The following KIF11 variants were observed in gnomAD, a reference collection of about 807,000 sequenced individuals.
The protein encoded by KIF11 is kinesin-like protein KIF11.
In KIF11, 9 loss-of-function variants were observed where a neutral mutation model predicts 121.0. That is an observed-to-expected ratio of 0.07 (90% CI 0.04 to 0.13). The LOEUF (loss-of-function observed/expected upper bound fraction) is 0.13. Among genes scored for constraint, KIF11 ranks in the 10% least tolerant of loss-of-function variants. The pLI is 1.00. For synonymous variants in KIF11, 408 were observed against 421.0 expected (o/e 0.97, Z 0.38); for missense variants, 846 against 1,217.5 (o/e 0.69, Z 4.54).
intron 21 of KIF11, among the ~76,000 whole-genome samples, chr10:92,652,669 A>C (rs1158992952): frequency 6.6e-6 from 1 of 152,200 alleles, no homozygotes; most frequent in African/African-American, 2.4e-5. Flanking sequence ...TATCTTATAA[A>C]GTTAGGAAAG....
At chr10:92,634,947 C>T (rs1358943594) in intron 14 of KIF11, among the ~76,000 whole-genome samples, 3 of 152,096 alleles carry the variant, frequency 2.0e-5, no homozygotes, top group African/African-American at 7.2e-5. Context: ...TCTGTGTGGC[C>T]CCTTCTGGGC....
chr10:92,608,911 C>A, intron 4 of KIF11, 109 bp from the exon 5 acceptor site: 1 of 590,318 alleles, frequency 1.7e-6, no homozygotes, highest in African/African-American at 1.9e-5. Flanking sequence ...TTTGTTTTAA[C>A]TTGCTTTGCC....
At chr10:92,639,519 G>A (rs541383388) in intron 16 of KIF11, among the ~76,000 whole-genome samples, 126 of 152,186 alleles carry the variant, frequency 8.3e-4, no homozygotes, top group Admixed American at 3.9e-3. Context: ...CTTGAGCCCA[G>A]GAGGTTGAAG....
In KIF11 at chr10:92,621,352, T is replaced by C. The variant is rs1844615165; in HGVS notation, c.1129-33T>C. 2.2e-6 allele frequency: 3 copies of C among 1,347,670 alleles called. No individual in the cohort carries two copies. In the East Asian group the frequency reaches 7.0e-5, roughly 31 times the overall value. 83.5% of individuals were successfully genotyped at this position (1,347,670 alleles called of 1,614,324 possible). A position where few individuals can be genotyped will look rare whatever the true frequency, so the allele number is the denominator to read the frequency against. On this transcript the variant is annotated intron_variant, in intron 9 of 21. Coordinates refer to ENST00000260731, the MANE Select transcript of KIF11 (RefSeq NM_004523.4). ...TTCCCAAACTGAATGAAAAAAGTAC[T>C]AAACTGACACCTACAACATTCCTCT... is the stretch of plus-strand genomic sequence containing the variant.
rs66987236 is a variant in KIF11 at position 92,637,032 on chromosome 10, C to CA, written c.1876-131dup. On this transcript the variant is annotated intron_variant, in intron 14 of 21. Transcript: ENST00000260731. ...TGGGTGACAGAATGAGACTCCGTCT[C>CA]AAAAAAAAAAAAAAAAAAAAAGAAT... 0.075 allele frequency: 27,937 copies of CA among 372,264 alleles called. 2,118 individuals carry two copies. The highest frequency in any genetic ancestry group is 0.35 in the African/African-American group (10,689 of 30,810). The allele number at this position is 372,264 out of a possible 1,614,324, so 23.1% of individuals were successfully genotyped here. A position where few individuals can be genotyped will look rare whatever the true frequency, so the allele number is the denominator to read the frequency against.
chr10:92,627,069 A>G (rs1390806256), intron 10 of KIF11, among the ~76,000 whole-genome samples: 3 of 152,188 alleles, frequency 2.0e-5, no homozygotes, highest in African/African-American at 7.2e-5. Flanking sequence ...GCTGTAGAAG[A>G]TCCATTTTTA....
chr10:92,651,852 T>C (rs1844989601), intron 21 of KIF11, among the ~76,000 whole-genome samples: 1 of 151,982 alleles, frequency 6.6e-6, no homozygotes, highest in South Asian at 2.1e-4. Flanking sequence ...TCCTCTAATT[T>C]GAGGGTACAA....
intron 12 of KIF11, 47 bp from the exon 13 acceptor site, chr10:92,632,439 C>T (rs1382635962): frequency 1.7e-6 from 2 of 1,192,938 alleles, no homozygotes; most frequent in Non-Finnish European, 2.5e-6. Flanking sequence ...TCATCAGATT[C>T]CTTTCACCGT....
chr10:92,594,356 G>A (rs1419584539), intron 1 of KIF11, among the ~76,000 whole-genome samples: 3 of 152,326 alleles, frequency 2.0e-5, no homozygotes, highest in Admixed American at 6.5e-5. Flanking sequence ...CGAAGGTGAT[G>A]ACTAGGTTTC....
chr10:92,604,383 T>G (rs1223118259), intron 1 of KIF11, among the ~76,000 whole-genome samples: 1 of 152,202 alleles, frequency 6.6e-6, no homozygotes, highest in Non-Finnish European at 1.5e-5. Context: ...AATAATAGAC[T>G]AATTGGAAAA....
At chr10:92,650,341 T>TA (rs1185249669) in intron 20 of KIF11, 60 bp from the exon 21 acceptor site, 11 of 926,334 alleles carry the variant, frequency 1.2e-5, no homozygotes, top group Non-Finnish European at 1.8e-5. Flanking sequence ...AAGCTGCTGT[T>TA]ACTCTTGTGA....
At chr10:92,647,944 T>C (rs1844937579) in intron 18 of KIF11, among the ~76,000 whole-genome samples, 1 of 151,706 alleles carries the variant, frequency 6.6e-6, no homozygotes. Context: ...TGCCATCTCT[T>C]CAAAAAATAC....
chr10:92,654,810 A>T lies in KIF11; in HGVS notation c.*1014A>T, dbSNP rs4933734. On this transcript the variant is annotated 3_prime_UTR_variant, in exon 22 of 22. Transcript: ENST00000260731. ...GACAGAGTTCACAAAAAGCCCACTT[A>T]AGAGTATACATTGCTATTATGGGAG... The T allele has an allele frequency of 0.7, 106,731 of 152,496 alleles. 38,731 individuals carry two copies. The highest frequency in any genetic ancestry group is 0.93 in the East Asian group (4,804 of 5,188). The allele number at this position is 152,496 out of a possible 1,614,324, so 9.4% of individuals were successfully genotyped here.
At chr10:92,627,647 G>T (rs1437926141) in intron 10 of KIF11, among the ~76,000 whole-genome samples, 3 of 151,642 alleles carry the variant, frequency 2.0e-5, no homozygotes, top group South Asian at 4.2e-4. Flanking sequence ...TTCTTCAAAT[G>T]TCTAGTGATT....
At chr10:92,600,895 C>CTG in intron 1 of KIF11, among the ~76,000 whole-genome samples, 1 of 152,142 alleles carries the variant, frequency 6.6e-6, no homozygotes, top group South Asian at 2.1e-4. Flanking sequence ...GAGTCTCGCT[C>CTG]TGTCGCCCAG....
At chr10:92,625,808 GAA>G (rs1353232103) in intron 10 of KIF11, among the ~76,000 whole-genome samples, 4 of 152,072 alleles carry the variant, frequency 2.6e-5, no homozygotes, top group African/African-American at 9.7e-5. Flanking sequence ...TGCCAAACAA[GAA>G]TGCAATTCCA....
At chr10:92,634,066 C>T (rs549102789) in intron 14 of KIF11, among the ~76,000 whole-genome samples, 1 of 152,252 alleles carries the variant, frequency 6.6e-6, no homozygotes, top group South Asian at 2.1e-4. Context: ...TCACTGCAAG[C>T]TCTACCTCCC....
Position 92,637,431 on chromosome 10 carries a change from G to A in KIF11, c.2046G>A (p.Leu682=), listed in dbSNP as rs776988677. The change falls in exon 16 of 22, where the codon CTG becomes CTA. Residue 682 remains leucine (L), a synonymous_variant. Coordinates refer to ENST00000260731, the MANE Select transcript of KIF11 (RefSeq NM_004523.4). ...KKELDGFLSI[L]CNNLHELQEN... is the part of the protein sequence containing the mutation. Reference sequence around the variant, plus strand: ...AACTAGATGGCTTTCTCAGTATACTGTGTAACAATCTACATGAACTACAAG... The same window carrying A: ...AACTAGATGGCTTTCTCAGTATACTATGTAACAATCTACATGAACTACAAG... 7 of 1,600,638 alleles carry A rather than the reference G, an allele frequency of 4.4e-6. No individual in the cohort carries two copies. The highest frequency in any genetic ancestry group is 5.9e-6 in the Non-Finnish European group (7 of 1,177,112).
intron 1 of KIF11, among the ~76,000 whole-genome samples, chr10:92,594,221 G>A (rs1259172367): frequency 6.6e-6 from 1 of 152,168 alleles, no homozygotes; most frequent in Non-Finnish European, 1.5e-5. Flanking sequence ...AACAGTTGCT[G>A]TTGCAACTTT....
Sources: allele counts gnomAD v4.1 joint callset (sites outside exome capture counted in the v4.1 genomes callset), GRCh38; gene constraint gnomAD v4.1.1; transcripts MANE v1.5; gene names NCBI Gene and HGNC (gene_info 2026-07-23, HGNC 2026-07-21).